The following PIAS1 variants were observed in gnomAD, a reference collection of about 807,000 sequenced individuals.
PIAS1 encodes the protein E3 SUMO-protein ligase PIAS1.
In PIAS1, 6 loss-of-function variants were observed where a neutral mutation model predicts 71.3. The observed-to-expected ratio is 0.08, with a 90% CI of 0.05 to 0.17. The LOEUF is 0.17. PIAS1 is among the 10% of genes least tolerant of loss of function. The pLI is 1.00. For missense variants in PIAS1, 555 were observed against 793.6 expected, an observed-to-expected ratio of 0.70 and a Z score of 3.61; for synonymous variants, 303 against 292.9, an observed-to-expected ratio of 1.03 and a Z score of -0.35.
Position 68,148,826 on chromosome 15 carries a change from G to A in PIAS1, c.828+2126G>A, listed in dbSNP as rs544810825. The stretch of plus-strand genomic sequence containing the variant: ...AATAGTTTAAATGGAGGCCAGAATC[G>A]TGCAGAAGGACATCTCTTAGGAGCC... On this transcript the variant is annotated intron_variant, in intron 6 of 13. Coordinates refer to ENST00000249636, the MANE Select transcript of PIAS1 (RefSeq NM_016166.3). Among the ~76,000 whole-genome samples the A allele has an allele frequency of 4.6e-5, 7 of 152,298 alleles. No individual in the cohort carries two copies. In the East Asian group the frequency reaches 5.8e-4, roughly 13 times the overall value.
chr15:68,065,808 A>G (rs2092014905), intron 1 of PIAS1, among the ~76,000 whole-genome samples: 1 of 127,208 alleles, frequency 7.9e-6, no homozygotes, highest in African/African-American at 3.1e-5. Context: ...TGGTATGATC[A>G]TGGCTCACTG....
chr15:68,061,138 T>C (rs145413661), intron 1 of PIAS1, among the ~76,000 whole-genome samples: 33 of 152,380 alleles, frequency 2.2e-4, no homozygotes, highest in African/African-American at 7.5e-4. Context: ...GAACTTGAAA[T>C]TGATCGTACT....
intron 5 of PIAS1, 102 bp from the exon 6 acceptor site, chr15:68,146,464 A>G (rs1368288197): frequency 2.6e-6 from 2 of 772,228 alleles, no homozygotes; most frequent in East Asian, 5.4e-5. Context: ...GAAAACATTC[A>G]TATTTTCTAG....
intron 2 of PIAS1, among the ~76,000 whole-genome samples, chr15:68,090,927 G>GGGGTGTGTGTGTGT (rs71455575): frequency 4.2e-5 from 6 of 142,760 alleles, no homozygotes; most frequent in African/African-American, 1.3e-4. Context: ...GTCATTTACG[G>GGGGTGTGTGTGTGT]GTGTGTGTGT....
At chr15:68,151,052 T>G (rs954735745) in intron 6 of PIAS1, among the ~76,000 whole-genome samples, 1 of 151,220 alleles carries the variant, frequency 6.6e-6, no homozygotes, top group Non-Finnish European at 1.5e-5. Flanking sequence ...AACAAAACTA[T>G]CAGTATAATA....
intron 6 of PIAS1, among the ~76,000 whole-genome samples, chr15:68,150,418 G>A (rs2092836724): frequency 6.6e-6 from 1 of 152,236 alleles, no homozygotes; most frequent in South Asian, 2.1e-4. Context: ...ATTTTCCAAA[G>A]CCCAGAAAAT....
At position 68,054,888 on chromosome 15, in the gene PIAS1, G is replaced by T. The variant is rs2091878874; in HGVS notation, c.24+538G>T. 6.6e-6 allele frequency: 1 copy of T among 152,384 alleles called. No homozygotes were observed. Among genetic ancestry groups the T allele is most frequent in the Non-Finnish European group, 1.5e-5 (1 of 68,148 alleles). The allele number at this position is 152,384 out of a possible 1,614,324, so 9.4% of individuals were successfully genotyped here. ...CCCGCCCCGGACTCGGCTTTCCCCG[G>T]CTGCTCGCTTGTCAGGAAGCGCCTG... On this transcript the variant is annotated intron_variant, in intron 1 of 13. Transcript: ENST00000249636. The surrounding 1 kb of genome is among the most constrained non-coding windows in gnomAD (Gnocchi z 4.6).
chr15:68,116,063 T>C lies in PIAS1; in HGVS notation c.470-25883T>C, dbSNP rs1230872943. 2.6e-5 allele frequency among the ~76,000 whole-genome samples: 4 copies of C among 152,158 alleles called. No individual in the cohort carries two copies. In the East Asian group the frequency reaches 7.7e-4, roughly 29 times the overall value. On this transcript the variant is annotated intron_variant, in intron 2 of 13. Transcript: ENST00000249636. ...CTTCATAGAATGAGTTAAGCATTTCTTTCTTTTCCATTTTTTTTTGGCGAG... is the reference window on the plus strand; with the variant it reads ...CTTCATAGAATGAGTTAAGCATTTCCTTCTTTTCCATTTTTTTTTGGCGAG...
At chr15:68,141,918 T>C (rs967893773) in intron 2 of PIAS1, 28 bp from the exon 3 acceptor site, 10 of 1,475,610 alleles carry the variant, frequency 6.8e-6, no homozygotes, top group Non-Finnish European at 8.4e-6. Flanking sequence ...TTAAAGGTAA[T>C]TGAAAGTATA....
intron 1 of PIAS1, among the ~76,000 whole-genome samples, chr15:68,080,470 G>A (rs2092218833): frequency 6.6e-6 from 1 of 152,100 alleles, no homozygotes; most frequent in African/African-American, 2.4e-5. Context: ...TGAGAAATTG[G>A]GTGAAACAAG....
At chr15:68,060,679 G>A (rs1479645615) in intron 1 of PIAS1, among the ~76,000 whole-genome samples, 1 of 152,094 alleles carries the variant, frequency 6.6e-6, no homozygotes, top group Non-Finnish European at 1.5e-5. Flanking sequence ...TAGAGAAAAT[G>A]GAAATAAGAC....
In PIAS1 at chr15:68,116,624, GT is replaced by G. The variant is rs199806174; in HGVS notation, c.470-25319del. Reference sequence around the variant, plus strand: ...ATTTTCTTTCTCCTGATTCCTTTGGGTTTCATTTCTCTTCTCTTTTTTTAGT... The same window carrying G: ...ATTTTCTTTCTCCTGATTCCTTTGGGTTCATTTCTCTTCTCTTTTTTTAGT... On this transcript the variant is annotated intron_variant, in intron 2 of 13. Transcript: ENST00000249636. 6.1e-3 allele frequency among the ~76,000 whole-genome samples: 928 copies of G among 151,838 alleles called. 4 individuals carry two copies. The highest frequency in any genetic ancestry group is 0.032 in the East Asian group (165 of 5,162).
At chr15:68,057,761 TG>T (rs1313050591) in intron 1 of PIAS1, among the ~76,000 whole-genome samples, 1 of 152,278 alleles carries the variant, frequency 6.6e-6, no homozygotes, top group Admixed American at 6.5e-5. Context: ...CACATTTAGA[TG>T]GCTTTTGTTT....
chr15:68,117,132 G>A (rs1051751176), intron 2 of PIAS1, among the ~76,000 whole-genome samples: 2 of 152,098 alleles, frequency 1.3e-5, no homozygotes, highest in Non-Finnish European at 2.9e-5. Context: ...GTCTTGCCCA[G>A]GCTGGAGTAC....
intron 7 of PIAS1, among the ~76,000 whole-genome samples, chr15:68,157,739 C>A (rs181041308): frequency 2.0e-5 from 3 of 152,106 alleles, no homozygotes; most frequent in South Asian, 2.1e-4. Flanking sequence ...TTCTACGCAC[C>A]CTTATGGTTT....
At position 68,174,026 on chromosome 15, in the gene PIAS1, C is replaced by G. The variant is rs751676103; in HGVS notation, c.1169+134C>G. The G allele has an allele frequency of 2.1e-6, 1 of 481,378 alleles. No individual in the cohort carries two copies. The highest frequency in any genetic ancestry group is 4.1e-5 in the Admixed American group (1 of 24,356). The allele number at this position is 481,378 out of a possible 1,614,324, so 29.8% of individuals were successfully genotyped here. ...TTGTGAGTCTGCAAACCAATATTTT[C>G]AAAGTAATTTATTTCAAATTAGTGT... On this transcript the variant is annotated intron_variant, in intron 9 of 13. Transcript: ENST00000249636. This position sits in a 1 kb window ranked among gnomAD's most constrained non-coding sequence, Gnocchi z 4.0.
intron 2 of PIAS1, among the ~76,000 whole-genome samples, chr15:68,132,186 A>C (rs1404724376): frequency 6.6e-6 from 1 of 151,856 alleles, no homozygotes; most frequent in Non-Finnish European, 1.5e-5. Context: ...ATTGTTAAAA[A>C]CTACAGTGTT....
rs565966140 is a variant in PIAS1 at position 68,148,681 on chromosome 15, C to A, written c.828+1981C>A. On this transcript the variant is annotated intron_variant, in intron 6 of 13. Coordinates refer to ENST00000249636, the MANE Select transcript of PIAS1 (RefSeq NM_016166.3). Reference sequence around the variant, plus strand: ...TGACCTTGTGATCCACCTGCCGTGGCCTCCCCAAGTGTGGGATTACAGGCA... The same window carrying A: ...TGACCTTGTGATCCACCTGCCGTGGACTCCCCAAGTGTGGGATTACAGGCA... Among the ~76,000 whole-genome samples the A allele has an allele frequency of 2.0e-5, 3 of 152,314 alleles. No homozygotes were observed. In the South Asian group the frequency reaches 6.2e-4, roughly 32 times the overall value.
Position 68,095,592 on chromosome 15 carries a change from A to G in PIAS1, c.469+8842A>G, listed in dbSNP as rs370564373. Among the ~76,000 whole-genome samples, 7 of 145,112 alleles carry G rather than the reference A, an allele frequency of 4.8e-5. No individual in the cohort carries two copies. The East Asian group carries it at 1.2e-3, about 25-fold the overall frequency. On this transcript the variant is annotated intron_variant, in intron 2 of 13. Coordinates refer to ENST00000249636, the MANE Select transcript of PIAS1 (RefSeq NM_016166.3). ...GTCACCCAGGTTGGAGTGCAGTGGCATGATCTCGGCTCACTGCAACTTCTG... is the reference window on the plus strand; with the variant it reads ...GTCACCCAGGTTGGAGTGCAGTGGCGTGATCTCGGCTCACTGCAACTTCTG...
Sources: gnomAD v4.1 joint callset for allele counts (sites outside exome capture counted in the v4.1 genomes callset) on GRCh38, gnomAD v4.1.1 for gene constraint, Gnocchi (gnomAD v3.1) non-coding constraint, MANE v1.5 for transcripts, NCBI Gene and HGNC (gene_info 2026-07-23, HGNC 2026-07-21) for gene names.